Variants in STK24 observed in about 807,000 individuals in gnomAD.
The protein encoded by STK24 is serine/threonine-protein kinase 24.
STK24 carries 21 observed loss-of-function variants against 55.6 expected under a neutral mutation model. That is an observed-to-expected ratio of 0.38 (90% CI 0.27 to 0.54). The LOEUF (loss-of-function observed/expected upper bound fraction) is 0.54, where lower values mean the gene tolerates loss of function less well. Among genes scored for constraint, STK24 ranks in the 20% least tolerant of loss-of-function variants. The probability of loss-of-function intolerance (pLI) is 0.79; values close to 1 mark genes in which losing one functional copy is unlikely to be tolerated. For missense variants in STK24, 383 were observed against 538.4 expected (o/e 0.71, Z 2.86); for synonymous variants, 200 against 215.2 (o/e 0.93, Z 0.62).
At chr13:98,462,745 T>G (rs1893762340) in intron 7 of STK24, among the ~76,000 whole-genome samples, 1 of 152,052 alleles carries the variant, frequency 6.6e-6, no homozygotes, top group Non-Finnish European at 1.5e-5. Flanking sequence ...ACTGGACGTC[T>G]CTCCTGGACA....
intron 3 of STK24, among the ~76,000 whole-genome samples, chr13:98,478,586 G>T (rs1337674720): frequency 6.6e-6 from 1 of 152,252 alleles, no homozygotes; most frequent in African/African-American, 2.4e-5. Context: ...TGTGCAGGGG[G>T]AGAAATAAAT....
At chr13:98,509,638 G>C (rs75847205) in intron 2 of STK24, among the ~76,000 whole-genome samples, 9 of 152,122 alleles carry the variant, frequency 5.9e-5, no homozygotes, top group Non-Finnish European at 1.0e-4. Flanking sequence ...CCCTTGACAC[G>C]GTCTCCAGTT....
intron 1 of STK24, chr13:98,543,093 C>G (rs1015454835): frequency 1.1e-6 from 1 of 898,200 alleles, no homozygotes; most frequent in Non-Finnish European, 1.3e-6. Flanking sequence ...GCCGCAGCTC[C>G]GCTCCGGCTG....
At chr13:98,462,611 C>T (rs1048489771) in intron 7 of STK24, among the ~76,000 whole-genome samples, 1 of 152,150 alleles carries the variant, frequency 6.6e-6, no homozygotes, top group Non-Finnish European at 1.5e-5. Flanking sequence ...CTCACTCCCC[C>T]ACATGCCCCA....
rs141099247 is a variant in STK24 at position 98,522,828 on chromosome 13, G to A, written c.43-3355C>T. 1.3e-4 allele frequency among the ~76,000 whole-genome samples: 20 copies of A among 152,286 alleles called. No homozygotes were observed. In the East Asian group the frequency reaches 3.3e-3, roughly 25 times the overall value. ...GAAAACCCCAGACTCACCCTGGCTC[G>A]AACAGGACCCAGGTCAGACACCTCA... On this transcript the variant is annotated intron_variant, in intron 1 of 10. Coordinates refer to ENST00000539966, the MANE Select transcript of STK24 (RefSeq NM_001032296.4).
chr13:98,568,875 C>CA (rs1375178660), intron 1 of STK24, among the ~76,000 whole-genome samples: 1 of 151,010 alleles, frequency 6.6e-6, no homozygotes, highest in African/African-American at 2.4e-5. Context: ...TCTCGAAAAA[C>CA]AAAAAAGATA....
chr13:98,536,694 A>AT (rs1208752113), intron 1 of STK24, among the ~76,000 whole-genome samples: 1 of 152,158 alleles, frequency 6.6e-6, no homozygotes, highest in African/African-American at 2.4e-5. Context: ...TCATGAGCTG[A>AT]TAAAAGCCGG....
chr13:98,528,329 C>T lies in STK24; in HGVS notation c.43-8856G>A, dbSNP rs186707949. Reference sequence around the variant, plus strand: ...AGACTGATTCTGCGCTCAATGAGAACGCCAGAAGGTGGGTGTTTTCCTGCT... The same window carrying T: ...AGACTGATTCTGCGCTCAATGAGAATGCCAGAAGGTGGGTGTTTTCCTGCT... On this transcript the variant is annotated intron_variant, in intron 1 of 10. Transcript: ENST00000539966. 9.9e-5 allele frequency among the ~76,000 whole-genome samples: 15 copies of T among 152,276 alleles called. No individual in the cohort carries two copies. In the South Asian group the frequency reaches 1.7e-3, roughly 17 times the overall value.
chr13:98,490,162 G>A (rs1284454789), intron 2 of STK24, among the ~76,000 whole-genome samples: 1 of 152,182 alleles, frequency 6.6e-6, no homozygotes, highest in East Asian at 1.9e-4. Context: ...TGACATTGAG[G>A]AAACACTCTG....
chr13:98,576,760 G>C lies in STK24; in HGVS notation c.27C>G (p.Gly9=), dbSNP rs760280931. The C allele has an allele frequency of 6.9e-7, 1 of 1,455,950 alleles. No homozygotes were observed. The highest frequency in any genetic ancestry group is 9.0e-7 in the Non-Finnish European group (1 of 1,108,050). The allele number at this position is 1,455,950 out of a possible 1,614,324, so 90.2% of individuals were successfully genotyped here. Residue 9 remains glycine (G), a synonymous_variant, in exon 1 of 11, where the codon GGC becomes GGG. Coordinates refer to ENST00000539966, the MANE Select transcript of STK24 (RefSeq NM_001032296.4). ...GCCCGCCTACCTGCATGCCGGGCAG[G>C]CCCGACTGCACCGGGGAGTGAGCCA... MAHSPVQS[G]LPGMQNLKAD... is the part of the protein sequence containing the mutation.
At position 98,457,406 on chromosome 13, in the gene STK24, C is replaced by A; in HGVS notation, c.1123-102G>T. The A allele has an allele frequency of 3.2e-6, 5 of 1,554,426 alleles. No individual in the cohort carries two copies. The South Asian group carries it at 5.7e-5, about 18-fold the overall frequency. Reference sequence around the variant, plus strand: ...ACACGGCGTGTGGACCACGACACTACCCCAGCCCCAGGGTGTCCGGGAAAA... The same window carrying A: ...ACACGGCGTGTGGACCACGACACTAACCCAGCCCCAGGGTGTCCGGGAAAA... On this transcript the variant is annotated intron_variant, in intron 9 of 10. Transcript: ENST00000539966.
chr13:98,504,356 T>G (rs571166845), intron 2 of STK24, among the ~76,000 whole-genome samples: 185 of 152,328 alleles, frequency 1.2e-3, no homozygotes, highest in African/African-American at 4.4e-3. Context: ...AGTCTGTAGC[T>G]TTGCTCTGGG....
chr13:98,546,438 A>T (rs982421381), intron 1 of STK24, among the ~76,000 whole-genome samples: 2 of 152,186 alleles, frequency 1.3e-5, no homozygotes, highest in African/African-American at 4.8e-5. Flanking sequence ...AAAAAATGAA[A>T]TCCCCAGACC....
chr13:98,531,493 T>C (rs1896578442), intron 1 of STK24, among the ~76,000 whole-genome samples: 2 of 152,086 alleles, frequency 1.3e-5, no homozygotes, highest in South Asian at 4.1e-4. Context: ...ATTTCCACTA[T>C]CAGGACAGCA....
intron 5 of STK24, among the ~76,000 whole-genome samples, chr13:98,473,445 T>C (rs774627921): frequency 1.4e-4 from 21 of 150,794 alleles, no homozygotes; most frequent in Non-Finnish European, 2.2e-4. Flanking sequence ...CAGATGAACT[T>C]TGATAAATGG....
At chr13:98,495,221 A>G (rs1188730715) in intron 2 of STK24, among the ~76,000 whole-genome samples, 1 of 152,228 alleles carries the variant, frequency 6.6e-6, no homozygotes, top group African/African-American at 2.4e-5. Flanking sequence ...CTGAAGGAGA[A>G]TTGATTTGCC....
chr13:98,497,630 G>A (rs1322990810), intron 2 of STK24, among the ~76,000 whole-genome samples: 1 of 152,176 alleles, frequency 6.6e-6, no homozygotes, highest in Non-Finnish European at 1.5e-5. Flanking sequence ...GGGCCCTGCT[G>A]GCAAAGCTCA....
chr13:98,466,622 T>G (rs1336205446), intron 5 of STK24, 61 bp from the exon 6 acceptor site: 1 of 1,542,348 alleles, frequency 6.5e-7, no homozygotes, highest in African/African-American at 1.4e-5. Context: ...TACACAGTAT[T>G]TAGGGGGAAA....
chr13:98,447,016 C>T lies in STK24; in HGVS notation c.*6157G>A. The T allele has an allele frequency of 1.7e-6, 1 of 579,300 alleles. No homozygotes were observed. The highest frequency in any genetic ancestry group is 2.0e-5 in the South Asian group (1 of 49,232). The allele number at this position is 579,300 out of a possible 1,614,324, so 35.9% of individuals were successfully genotyped here. A position where few individuals can be genotyped will look rare whatever the true frequency, so the allele number is the denominator to read the frequency against. ...AAAGTGGGGTCCCAACTTCCCTGCG[C>T]CCTTACCCTGCACGGTGTTGGCTGA... On this transcript the variant is annotated 3_prime_UTR_variant, in exon 11 of 11. Transcript: ENST00000539966.
Sources: allele counts gnomAD v4.1 joint callset (sites outside exome capture counted in the v4.1 genomes callset), GRCh38; gene constraint gnomAD v4.1.1; transcripts MANE v1.5; gene names NCBI Gene and HGNC (gene_info 2026-07-23, HGNC 2026-07-21).